The following LRP1B variants were observed in gnomAD, a reference collection of about 807,000 sequenced individuals.
LRP1B encodes LDL receptor related protein 1B.
In LRP1B, 217 loss-of-function variants were observed where a neutral mutation model predicts 556.6. That is an observed-to-expected ratio of 0.39 (90% CI 0.35 to 0.44). The LOEUF (loss-of-function observed/expected upper bound fraction) is 0.44, where lower values mean the gene tolerates loss of function less well. Among genes scored for constraint, LRP1B ranks in the 20% least tolerant of loss-of-function variants. The pLI, the probability that LRP1B is intolerant of heterozygous loss-of-function variation, is 1.00. For synonymous variants in LRP1B, 2,047 were observed against 1,865.8 expected, an observed-to-expected ratio of 1.10 and a Z score of -2.50; for missense variants, 5,053 against 5,620.8, an observed-to-expected ratio of 0.90 and a Z score of 3.23.
intron 21 of LRP1B, among the ~76,000 whole-genome samples, chr2:140,912,446 T>C (rs938057328): frequency 6.6e-6 from 1 of 151,606 alleles, no homozygotes; most frequent in Non-Finnish European, 1.5e-5. Context: ...ATTATAACTA[T>C]CCAATAGATA....
intron 7 of LRP1B, among the ~76,000 whole-genome samples, chr2:141,106,195 C>G (rs1475695124): frequency 1.3e-5 from 2 of 152,094 alleles, no homozygotes; most frequent in Non-Finnish European, 2.9e-5. Context: ...ATCTTCTAAC[C>G]AATTTTTCTG....
chr2:141,082,529 G>A (rs374126700), intron 7 of LRP1B, among the ~76,000 whole-genome samples: 2 of 152,146 alleles, frequency 1.3e-5, no homozygotes, highest in East Asian at 1.9e-4. Context: ...TAATTAACAG[G>A]AGTATTAGAA....
intron 1 of LRP1B, among the ~76,000 whole-genome samples, chr2:141,899,985 C>T (rs1395703668): frequency 2.0e-5 from 3 of 151,958 alleles, no homozygotes; most frequent in Non-Finnish European, 2.9e-5. Context: ...CCTGGAATAC[C>T]TCCGTGATAA....
intron 35 of LRP1B, among the ~76,000 whole-genome samples, chr2:140,747,898 T>C (rs188550342): frequency 6.6e-6 from 1 of 151,568 alleles, no homozygotes; most frequent in African/African-American, 2.4e-5. Context: ...AGGGGTTATA[T>C]GTGATTGCAA....
chr2:141,059,188 CAAG>C, intron 8 of LRP1B, 134 bp from the exon 9 acceptor site: 2 of 559,064 alleles, frequency 3.6e-6, no homozygotes, highest in East Asian at 6.2e-5. Context: ...TACTTTTTCT[CAAG>C]GAGTTCAACA....
chr2:140,532,944 A>ATATCTATATCTATATC (rs1558948753), intron 47 of LRP1B, among the ~76,000 whole-genome samples: 12 of 119,864 alleles, frequency 1.0e-4, no homozygotes, highest in African/African-American at 2.9e-4. Context: ...ATATATATAT[A>ATATCTATATCTATATC]TATACACATA....
intron 2 of LRP1B, among the ~76,000 whole-genome samples, chr2:141,749,449 T>C (rs1449236948): frequency 1.3e-5 from 2 of 152,100 alleles, no homozygotes; most frequent in Non-Finnish European, 2.9e-5. Flanking sequence ...AGGAAAGAAA[T>C]GGCACTATTG....
chr2:141,011,509 G>T (rs1446322707), intron 14 of LRP1B, among the ~76,000 whole-genome samples: 4 of 151,984 alleles, frequency 2.6e-5, no homozygotes, highest in African/African-American at 9.7e-5. Context: ...TTTCTATATT[G>T]TATTGCTTGA....
At chr2:141,230,337 G>A (rs1444436037) in intron 5 of LRP1B, among the ~76,000 whole-genome samples, 1 of 152,140 alleles carries the variant, frequency 6.6e-6, no homozygotes, top group Non-Finnish European at 1.5e-5. Flanking sequence ...CCACTTCTCA[G>A]TAATGACTGC....
intron 29 of LRP1B, among the ~76,000 whole-genome samples, chr2:140,847,295 C>T (rs535486650): frequency 6.6e-6 from 1 of 152,302 alleles, no homozygotes; most frequent in Admixed American, 6.5e-5. Flanking sequence ...CTCCCTGAAG[C>T]ACTTCCTTAA....
At chr2:140,622,101 G>A (rs1031926197) in intron 41 of LRP1B, among the ~76,000 whole-genome samples, 1 of 152,140 alleles carries the variant, frequency 6.6e-6, no homozygotes, top group African/African-American at 2.4e-5. Context: ...TTGGTGTAAA[G>A]CATCACTACC....
chr2:140,766,710 C>T (rs903673949), intron 35 of LRP1B, among the ~76,000 whole-genome samples: 1 of 150,358 alleles, frequency 6.7e-6, no homozygotes, highest in South Asian at 2.1e-4. Flanking sequence ...AAGAAACACC[C>T]TTTTTTCTAT....
chr2:140,846,430 G>A (rs1408101136), intron 29 of LRP1B, among the ~76,000 whole-genome samples: 1 of 152,046 alleles, frequency 6.6e-6, no homozygotes, highest in East Asian at 1.9e-4. Context: ...GGTGGCGGGT[G>A]CCTGTAATCC....
intron 35 of LRP1B, among the ~76,000 whole-genome samples, chr2:140,769,008 A>G (rs1449958652): frequency 1.5e-5 from 2 of 134,464 alleles, no homozygotes; most frequent in East Asian, 2.2e-4. Context: ...TTCAAATGCT[A>G]TACTTTAGGA....
chr2:141,660,658 T>C (rs1574208329), intron 2 of LRP1B, among the ~76,000 whole-genome samples: 1 of 152,154 alleles, frequency 6.6e-6, no homozygotes, highest in Admixed American at 6.5e-5. Context: ...CAGAGTTTTA[T>C]GGACAGAACT....
intron 2 of LRP1B, among the ~76,000 whole-genome samples, chr2:141,534,434 G>T (rs370371837): frequency 1.1e-4 from 17 of 151,992 alleles, no homozygotes; most frequent in African/African-American, 3.6e-4. Context: ...TCTTTTAAAG[G>T]CCTTTTAAGA....
chr2:140,613,456 TCTC>T (rs1300576337), intron 41 of LRP1B, among the ~76,000 whole-genome samples: 1 of 76,526 alleles, frequency 1.3e-5, no homozygotes, highest in African/African-American at 3.4e-5. Flanking sequence ...TATATATATA[TCTC>T]CTCCTACTTC....
At chr2:140,928,727 T>C (rs1301299466) in intron 20 of LRP1B, among the ~76,000 whole-genome samples, 1 of 151,906 alleles carries the variant, frequency 6.6e-6, no homozygotes, top group African/African-American at 2.4e-5. Context: ...GACTTGGTTA[T>C]AGGAAAAATA....
At chr2:140,600,208 T>G (rs1055948908) in intron 42 of LRP1B, among the ~76,000 whole-genome samples, 42 of 152,224 alleles carry the variant, frequency 2.8e-4, no homozygotes, top group African/African-American at 9.9e-4. Context: ...CAAATTCCTT[T>G]GCCCAACTCT....
Sources: gnomAD v4.1 joint callset for allele counts (sites outside exome capture counted in the v4.1 genomes callset) on GRCh38, gnomAD v4.1.1 for gene constraint, MANE v1.5 for transcripts, NCBI Gene and HGNC (gene_info 2026-07-23, HGNC 2026-07-21) for gene names.